The following ITCH variants were observed in gnomAD, a reference collection of about 807,000 sequenced individuals.
The protein encoded by ITCH is itchy E3 ubiquitin protein ligase.
Under a neutral mutation model 126.8 loss-of-function variants are expected in ITCH, and 28 were observed. That is an observed-to-expected ratio of 0.22 (90% CI 0.16 to 0.30). The LOEUF (loss-of-function observed/expected upper bound fraction) is 0.30. Among genes scored for constraint, ITCH ranks in the 10% least tolerant of loss-of-function variants. The probability of loss-of-function intolerance (pLI) is 1.00; values close to 1 mark genes in which losing one functional copy is unlikely to be tolerated. For synonymous variants in ITCH, 342 were observed against 340.0 expected (o/e 1.01, Z -0.06); for missense variants, 631 against 1,032.4 (o/e 0.61, Z 5.33).
At position 34,399,316 on chromosome 20, in the gene ITCH, C is replaced by T. The variant is rs368693937; in HGVS notation, c.70+5435C>T. 9.2e-4 allele frequency among the ~76,000 whole-genome samples: 139 copies of T among 150,518 alleles called. 1 individual carries two copies. Among genetic ancestry groups the T allele is most frequent in the African/African-American group, 3.3e-3 (135 of 41,026 alleles). ...CTGAGGCAGGAGAATTGCTTGAACCCGGGAGGCGGAGATGGCGGTGAGCTG... is the reference window on the plus strand; with the variant it reads ...CTGAGGCAGGAGAATTGCTTGAACCTGGGAGGCGGAGATGGCGGTGAGCTG... On this transcript the variant is annotated intron_variant, in intron 3 of 24. Transcript: ENST00000374864.
chr20:34,377,896 G>A (rs2123033664), intron 2 of ITCH, among the ~76,000 whole-genome samples: 1 of 151,812 alleles, frequency 6.6e-6, no homozygotes, highest in Admixed American at 6.6e-5. Context: ...TTATGATTCA[G>A]AATGTCTGAA....
intron 23 of ITCH, among the ~76,000 whole-genome samples, chr20:34,499,437 A>T (rs959248735): frequency 6.6e-6 from 1 of 150,944 alleles, no homozygotes; most frequent in Non-Finnish European, 1.5e-5. Flanking sequence ...GGTAGGTTGT[A>T]TGTGTCCAGG....
At chr20:34,428,353 T>C (rs936292232) in intron 7 of ITCH, among the ~76,000 whole-genome samples, 10 of 152,182 alleles carry the variant, frequency 6.6e-5, no homozygotes, top group Non-Finnish European at 1.2e-4. Context: ...AGTTATCGTT[T>C]AGGAAGTTTA....
intron 2 of ITCH, among the ~76,000 whole-genome samples, chr20:34,388,249 C>T (rs1478638406): frequency 1.3e-5 from 2 of 152,204 alleles, no homozygotes; most frequent in East Asian, 3.9e-4. Flanking sequence ...AGGCATGCAC[C>T]ACTGCATCTG....
intron 22 of ITCH, among the ~76,000 whole-genome samples, chr20:34,491,091 G>A (rs577820896): frequency 4.6e-5 from 7 of 152,084 alleles, no homozygotes; most frequent in East Asian, 1.9e-4. Context: ...ATCATAAATC[G>A]AACCATCATA....
intron 24 of ITCH, among the ~76,000 whole-genome samples, chr20:34,507,142 T>G (rs929283441): frequency 3.9e-5 from 6 of 152,172 alleles, no homozygotes; most frequent in East Asian, 1.9e-4. Context: ...TTTAATTTTT[T>G]GGGGGAATCT....
chr20:34,504,473 A>G, intron 24 of ITCH, 70 bp downstream of exon 24: 1 of 992,768 alleles, frequency 1.0e-6, no homozygotes. Context: ...AAAGCCAGCT[A>G]GAAATTAAAA....
At position 34,412,512 on chromosome 20, in the gene ITCH, T is replaced by C; in HGVS notation, c.213-3T>C. The C allele has an allele frequency of 6.3e-7, 1 of 1,583,990 alleles. No homozygotes were observed. The highest frequency in any genetic ancestry group is 8.7e-7 in the Non-Finnish European group (1 of 1,152,836). On this transcript the variant is annotated splice_polypyrimidine_tract_variant and splice_region_variant and intron_variant, in intron 4 of 24. Transcript: ENST00000374864. Reference sequence around the variant, plus strand: ...TATTTTTTCCCTCTTTTTTCACTTTTAGTATCGTTACCCCTGTGAGTAAAT... The same window carrying C: ...TATTTTTTCCCTCTTTTTTCACTTTCAGTATCGTTACCCCTGTGAGTAAAT...
intron 24 of ITCH, among the ~76,000 whole-genome samples, chr20:34,504,677 C>T (rs1197945199): frequency 6.6e-6 from 1 of 151,984 alleles, no homozygotes; most frequent in Non-Finnish European, 1.5e-5. Context: ...AGTTAGGAGA[C>T]CTACTTTCTA....
intron 23 of ITCH, among the ~76,000 whole-genome samples, chr20:34,499,272 C>CTTTTTTTTTTTT (rs386393666): frequency 2.2e-4 from 5 of 23,028 alleles, no homozygotes; most frequent in African/African-American, 4.8e-4. Flanking sequence ...CTGTGCCCAG[C>CTTTTTTTTTTTT]TTTTTTTTTT....
chr20:34,431,327 C>A (rs111538740), intron 7 of ITCH, among the ~76,000 whole-genome samples: 3,377 of 151,994 alleles, frequency 0.022, 55 homozygotes, highest in Middle Eastern at 0.041. Context: ...GCGGGAGGAT[C>A]CCTTGAGCCC....
At chr20:34,408,137 A>G (rs1978401133) in intron 3 of ITCH, among the ~76,000 whole-genome samples, 1 of 152,140 alleles carries the variant, frequency 6.6e-6, no homozygotes, top group South Asian at 2.1e-4. Flanking sequence ...AAGCTGTTGC[A>G]CAACCATAGC....
intron 10 of ITCH, among the ~76,000 whole-genome samples, chr20:34,443,854 C>G (rs1336804650): frequency 1.3e-5 from 2 of 152,034 alleles, no homozygotes; most frequent in African/African-American, 2.4e-5. Context: ...GGCATGGTGG[C>G]ATGTACCTGT....
chr20:34,445,342 A>G lies in ITCH; in HGVS notation c.1021A>G (p.Arg341Gly). Residue 341 changes from arginine to glycine, a missense_variant, in exon 11 of 25, where the codon AGA becomes GGA. By Grantham distance (125) the Arg-to-Gly change is moderately radical. Transcript: ENST00000374864. ...GRIYYVDHFT[R>G]TTTWQRPTLE... is the part of the protein sequence containing the mutation. ...TATTTATTATGTTGACCATTTCACA[A>G]GAACAACAACGTGGCAGAGGCCAAC... 1.9e-6 allele frequency: 3 copies of G among 1,613,962 alleles called. No homozygotes were observed. Among genetic ancestry groups the G allele is most frequent in the Non-Finnish European group, 2.5e-6 (3 of 1,180,014 alleles).
intron 2 of ITCH, among the ~76,000 whole-genome samples, chr20:34,376,686 G>T (rs886071553): frequency 6.6e-6 from 1 of 152,074 alleles, no homozygotes; most frequent in Admixed American, 6.6e-5. Flanking sequence ...AATTTGAGAA[G>T]AGTCAAGCCT....
intron 17 of ITCH, among the ~76,000 whole-genome samples, chr20:34,478,267 A>T (rs367715259): frequency 2.8e-4 from 43 of 152,344 alleles, no homozygotes; most frequent in African/African-American, 1.0e-3. Flanking sequence ...TATAGTGATC[A>T]GGTCATTTTC....
intron 22 of ITCH, among the ~76,000 whole-genome samples, chr20:34,490,832 GT>G (rs1250720080): frequency 6.6e-6 from 1 of 152,068 alleles, no homozygotes; most frequent in Non-Finnish European, 1.5e-5. Flanking sequence ...CCAATCCTTG[GT>G]ATACAGCCCA....
chr20:34,381,347 A>G (rs1047120187), intron 2 of ITCH, among the ~76,000 whole-genome samples: 1 of 151,716 alleles, frequency 6.6e-6, no homozygotes, highest in Admixed American at 6.6e-5. Context: ...TGGTGGCGCA[A>G]TCTCAGCTCA....
At chr20:34,385,189 ATGTGTGTGTGTGTG>A (rs150658162) in intron 2 of ITCH, among the ~76,000 whole-genome samples, 13 of 101,362 alleles carry the variant, frequency 1.3e-4, no homozygotes, top group South Asian at 7.0e-4. Flanking sequence ...AGCTAATTTT[ATGTGTGTGTGTGTG>A]TGTGTGTGTG....
Sources: gnomAD v4.1 joint callset for allele counts (sites outside exome capture counted in the v4.1 genomes callset) on GRCh38, gnomAD v4.1.1 for gene constraint, MANE v1.5 for transcripts, NCBI Gene and HGNC (gene_info 2026-07-23, HGNC 2026-07-21) for gene names.